The following EXD2 variants were observed in gnomAD, a reference collection of about 807,000 sequenced individuals.
The protein encoded by EXD2 is exonuclease 3'-5' domain-containing protein 2.
In EXD2, 40 loss-of-function variants were observed where a neutral mutation model predicts 62.5. The ratio of observed to expected loss-of-function variants is 0.64; its 90% confidence interval spans 0.50 to 0.83. The LOEUF (loss-of-function observed/expected upper bound fraction) is 0.83. EXD2 is among the 40% of genes least tolerant of loss of function. The probability of loss-of-function intolerance (pLI) is 0.00; values close to 1 mark genes in which losing one functional copy is unlikely to be tolerated. For missense variants in EXD2, 671 were observed against 761.8 expected, an observed-to-expected ratio of 0.88 and a Z score of 1.40; for synonymous variants, 239 against 291.9, an observed-to-expected ratio of 0.82 and a Z score of 1.85.
intron 8 of EXD2, among the ~76,000 whole-genome samples, chr14:69,237,168 T>G (rs1380841958): frequency 6.6e-6 from 1 of 152,246 alleles, no homozygotes; most frequent in Non-Finnish European, 1.5e-5. Context: ...GATTAAGGTA[T>G]TCCTCAGATG....
chr14:69,192,679 CGTAT>C (rs1385436612), intron 1 of EXD2, among the ~76,000 whole-genome samples: 1 of 151,736 alleles, frequency 6.6e-6, no homozygotes, highest in Non-Finnish European at 1.5e-5. Context: ...AGTATGTGTA[CGTAT>C]AAGATATATG....
intron 1 of EXD2, among the ~76,000 whole-genome samples, chr14:69,198,231 T>C (rs1019382193): frequency 6.6e-6 from 1 of 152,260 alleles, no homozygotes; most frequent in Non-Finnish European, 1.5e-5. Context: ...TCATCAGACT[T>C]TCTGAATTAC....
Position 69,234,883 on chromosome 14 carries a change from G to A in EXD2, c.901G>A (p.Gly301Arg). The A allele has an allele frequency of 6.2e-7, 1 of 1,614,212 alleles. No individual in the cohort carries two copies. Among genetic ancestry groups the A allele is most frequent in the Non-Finnish European group, 8.5e-7 (1 of 1,180,038 alleles). ...PFRSKGMSRL[G>R]EEVNGEATES... ...TCGAAGCAAAGGAATGAGCAGATTG[G>A]GAGAAGAGGTTAATGGGGAAGCAAC... Residue 301 changes from glycine to arginine, a missense_variant, in exon 6 of 10, where the codon GGA (glycine) becomes AGA (arginine). Transcript: ENST00000685843.
chr14:69,227,704 C>T (rs943453182), intron 3 of EXD2, among the ~76,000 whole-genome samples: 3 of 151,948 alleles, frequency 2.0e-5, no homozygotes, highest in South Asian at 2.1e-4. Context: ...ATTAGCTGGG[C>T]GTGCCTGTAA....
In EXD2 at chr14:69,241,448, G is replaced by A. The variant is rs1372426719; in HGVS notation, c.*348G>A. 2 of 268,798 alleles carry A rather than the reference G, an allele frequency of 7.4e-6. No individual in the cohort carries two copies. The highest frequency in any genetic ancestry group is 1.4e-5 in the Non-Finnish European group (2 of 142,394). 16.7% of individuals were successfully genotyped at this position (268,798 alleles called of 1,614,324 possible). A position where few individuals can be genotyped will look rare whatever the true frequency, so the allele number is the denominator to read the frequency against. ...AAGACTTAAAAAAAATGTTTTTAAT[G>A]CATTTCTTCCTTGTCTAGTGCCTCG... On this transcript the variant is annotated 3_prime_UTR_variant, in exon 10 of 10. Transcript: ENST00000685843.
At chr14:69,221,406 G>A (rs2043179107) in intron 3 of EXD2, among the ~76,000 whole-genome samples, 1 of 152,090 alleles carries the variant, frequency 6.6e-6, no homozygotes, top group South Asian at 2.1e-4. Flanking sequence ...ATTTCTTAAT[G>A]TCTCAGTTTT....
At chr14:69,216,899 C>G (rs548553926) in intron 3 of EXD2, among the ~76,000 whole-genome samples, 6 of 152,234 alleles carry the variant, frequency 3.9e-5, no homozygotes, top group African/African-American at 1.4e-4. Context: ...TCATCATTAA[C>G]TATAGTCACC....
intron 2 of EXD2, among the ~76,000 whole-genome samples, chr14:69,204,363 A>C (rs556520468): frequency 1.3e-5 from 2 of 152,282 alleles, no homozygotes; most frequent in East Asian, 3.9e-4. Context: ...TGAGCCTAGG[A>C]GTTTGAGACC....
chr14:69,223,029 T>C (rs1188444047), intron 3 of EXD2, among the ~76,000 whole-genome samples: 2 of 152,226 alleles, frequency 1.3e-5, no homozygotes, highest in African/African-American at 4.8e-5. Flanking sequence ...GTATGGATTC[T>C]TTAAAATGTG....
At chr14:69,220,652 T>C (rs188904700) in intron 3 of EXD2, among the ~76,000 whole-genome samples, 1,946 of 149,408 alleles carry the variant, frequency 0.013, 38 homozygotes, top group African/African-American at 0.046. Context: ...GGGCGGATCA[T>C]GAAGTCAGGA....
At chr14:69,194,608 A>C (rs909740896) in intron 1 of EXD2, among the ~76,000 whole-genome samples, 3 of 151,888 alleles carry the variant, frequency 2.0e-5, no homozygotes, top group Non-Finnish European at 4.4e-5. Context: ...CAGCCTCCCA[A>C]AGTTCTGGAA....
At chr14:69,238,292 C>G (rs1011543162) in intron 9 of EXD2, among the ~76,000 whole-genome samples, 2 of 152,146 alleles carry the variant, frequency 1.3e-5, no homozygotes, top group African/African-American at 4.8e-5. Flanking sequence ...AAATAATAGT[C>G]CAATAACACC....
At chr14:69,229,123 T>C (rs771888139) in intron 4 of EXD2, 51 bp downstream of exon 4, 12 of 1,600,996 alleles carry the variant, frequency 7.5e-6, no homozygotes, top group Non-Finnish European at 8.5e-6. Flanking sequence ...ACAAATATTT[T>C]AGCCAGATTT....
chr14:69,215,298 A>ATGTGTGTGTGTGTGTGTGTG (rs61469385), intron 3 of EXD2, among the ~76,000 whole-genome samples: 3 of 102,094 alleles, frequency 2.9e-5, no homozygotes, highest in African/African-American at 8.1e-5. Context: ...TCAAAAATAT[A>ATGTGTGTGTGTGTGTGTGTG]TGTGTGTGTG....
At chr14:69,205,259 C>G (rs1321386744) in intron 2 of EXD2, among the ~76,000 whole-genome samples, 4 of 151,982 alleles carry the variant, frequency 2.6e-5, no homozygotes, top group Non-Finnish European at 5.9e-5. Context: ...TTATGTTGCC[C>G]AGGTTGGTCT....
chr14:69,227,351 A>G (rs901867493), intron 3 of EXD2, among the ~76,000 whole-genome samples: 1 of 152,194 alleles, frequency 6.6e-6, no homozygotes, highest in African/African-American at 2.4e-5. Flanking sequence ...ATCTCACCAT[A>G]CTTGGTCAAA....
chr14:69,225,069 T>A (rs1223857409), intron 3 of EXD2, among the ~76,000 whole-genome samples: 1 of 152,250 alleles, frequency 6.6e-6, no homozygotes. Flanking sequence ...TTTTGTCTCC[T>A]CCTACTCTCT....
chr14:69,234,980 G>C lies in EXD2; in HGVS notation c.998G>C (p.Arg333Thr), dbSNP rs763427338. The C allele has an allele frequency of 6.2e-7, 1 of 1,611,504 alleles. No homozygotes were observed. The change falls in exon 6 of 10, where the codon AGA becomes ACA. Residue 333 changes from arginine (R) to threonine (T), a missense_variant. Coordinates refer to ENST00000685843, the MANE Select transcript of EXD2 (RefSeq NM_001193360.2). ...DGMVPGNHQG[R>T]DPRKHKRKPL... ...ATGGTGCCAGGCAACCACCAAGGGA[G>C]AGACCCCAGAAAACATAAAAGAAAG...
rs1474514022 is a variant in EXD2, at chr14:69,235,045, T to C, written c.1049+14T>C. ...CTATTCTGCCAGGTAACTGAATCAC[T>C]CCCTGTCTAGTAAAGAGTCAGTGGC... On this transcript the variant is annotated intron_variant, in intron 6 of 9. Coordinates refer to ENST00000685843, the MANE Select transcript of EXD2 (RefSeq NM_001193360.2). 6 of 1,565,256 alleles carry C rather than the reference T, an allele frequency of 3.8e-6. No individual in the cohort carries two copies. The highest frequency in any genetic ancestry group is 5.2e-6 in the Non-Finnish European group (6 of 1,160,102).
Sources: allele counts gnomAD v4.1 joint callset (sites outside exome capture counted in the v4.1 genomes callset), GRCh38; gene constraint gnomAD v4.1.1; transcripts MANE v1.5; gene names NCBI Gene and HGNC (gene_info 2026-07-23, HGNC 2026-07-21).